Variants in ARHGAP44 observed in about 807,000 individuals in gnomAD.
ARHGAP44 encodes the protein rho GTPase-activating protein 44.
In ARHGAP44, 43 loss-of-function variants were observed where a neutral mutation model predicts 106.8. The observed-to-expected ratio is 0.40, with a 90% CI of 0.32 to 0.52. The LOEUF (loss-of-function observed/expected upper bound fraction) is 0.52, where lower values mean the gene tolerates loss of function less well. ARHGAP44 is among the 20% of genes least tolerant of loss of function. The pLI is 0.48. For synonymous variants in ARHGAP44, 439 were observed against 410.3 expected, an observed-to-expected ratio of 1.07 and a Z score of -0.85; for missense variants, 866 against 1,050.5, an observed-to-expected ratio of 0.82 and a Z score of 2.43.
chr17:12,937,236 T>G (rs1260481439), intron 7 of ARHGAP44, among the ~76,000 whole-genome samples: 1 of 152,230 alleles, frequency 6.6e-6, no homozygotes, highest in Non-Finnish European at 1.5e-5. Flanking sequence ...TAGTTTAGGC[T>G]TGGGTAAAAT....
intron 1 of ARHGAP44, among the ~76,000 whole-genome samples, chr17:12,841,651 C>CAAACAAACAAAA: frequency 6.8e-6 from 1 of 146,394 alleles, no homozygotes; most frequent in African/African-American, 2.6e-5. Context: ...AACAAACAAA[C>CAAACAAACAAAA]AAAAACCACA....
intron 9 of ARHGAP44, among the ~76,000 whole-genome samples, 159 bp from the exon 10 acceptor site, chr17:12,943,910 C>T (rs556431667): frequency 1.3e-5 from 2 of 152,274 alleles, no homozygotes; most frequent in African/African-American, 4.8e-5. Flanking sequence ...CCCCCTCCTC[C>T]AGTCCTCCTG....
At chr17:12,887,374 A>G (rs1294794564) in intron 1 of ARHGAP44, among the ~76,000 whole-genome samples, 3 of 151,974 alleles carry the variant, frequency 2.0e-5, no homozygotes, top group African/African-American at 4.8e-5. Context: ...GACTACAGGC[A>G]TGTACTACCA....
At chr17:12,842,651 T>C (rs1165037038) in intron 1 of ARHGAP44, among the ~76,000 whole-genome samples, 2 of 152,080 alleles carry the variant, frequency 1.3e-5, no homozygotes, top group African/African-American at 4.8e-5. Flanking sequence ...ATGCTGGAGG[T>C]TGGGGACTAT....
intron 1 of ARHGAP44, among the ~76,000 whole-genome samples, chr17:12,875,031 G>C (rs568558911): frequency 6.6e-6 from 1 of 152,052 alleles, no homozygotes. Context: ...AACTCAGAGT[G>C]GGTGAGCTCC....
chr17:12,976,642 C>T (rs1422763806), intron 18 of ARHGAP44, among the ~76,000 whole-genome samples: 1 of 148,172 alleles, frequency 6.7e-6, no homozygotes, highest in Non-Finnish European at 1.5e-5. Flanking sequence ...AGTATTTTCA[C>T]TGTAAAACCA....
At chr17:12,943,549 C>T (rs745768728) in intron 8 of ARHGAP44, 39 bp from the exon 9 acceptor site, 3 of 1,599,322 alleles carry the variant, frequency 1.9e-6, no homozygotes, top group South Asian at 2.2e-5. Flanking sequence ...TGTGTCCTTG[C>T]CCCTCACTAA....
chr17:12,984,670 C>A lies in ARHGAP44; in HGVS notation c.2079C>A (p.Ser693Arg), dbSNP rs1484226801. ...GCACCCCGTCACCCTATGGACTGAGCTACCCTCAGGGGTACTCCTTGGCCT... is the reference window on the plus strand; with the variant it reads ...GCACCCCGTCACCCTATGGACTGAGATACCCTCAGGGGTACTCCTTGGCCT... The part of the protein sequence containing the change: ...PPSTPSPYGL[S>R]YPQGYSLASG... Residue 693 changes from serine (S) to arginine (R), a missense_variant, in exon 20 of 21, where the codon AGC becomes AGA. Around this residue, in one of 2 missense-constraint regions of ARHGAP44, gnomAD observed 418 missense variants for 403.6 expected, o/e 1.04. Coordinates refer to ENST00000379672, the MANE Select transcript of ARHGAP44 (RefSeq NM_014859.6). 6 of 1,613,100 alleles carry A rather than the reference C, an allele frequency of 3.7e-6. No homozygotes were observed. The highest frequency in any genetic ancestry group is 5.1e-6 in the Non-Finnish European group (6 of 1,179,582).
At position 12,863,321 on chromosome 17, in the gene ARHGAP44, A is replaced by G. The variant is rs547700741; in HGVS notation, c.54-31619A>G. On this transcript the variant is annotated intron_variant, in intron 1 of 20. Transcript: ENST00000379672. ...AACTTCTGATTGCTAATCCTATTAT[A>G]TACCACATTTCTAAAATTCCTTGAC... Among the ~76,000 whole-genome samples, 36 of 152,218 alleles carry G rather than the reference A, an allele frequency of 2.4e-4. No individual in the cohort carries two copies. The East Asian group carries it at 3.5e-3, about 15-fold the overall frequency.
chr17:12,819,712 G>A (rs371360113), intron 1 of ARHGAP44, among the ~76,000 whole-genome samples: 123 of 151,872 alleles, frequency 8.1e-4, no homozygotes, highest in African/African-American at 2.9e-3. Context: ...ACATTCAGGT[G>A]TCTCCTTTTG....
chr17:12,986,969 A>G (rs945259386), intron 20 of ARHGAP44: 7 of 794,856 alleles, frequency 8.8e-6, no homozygotes, highest in Non-Finnish European at 1.2e-5. Flanking sequence ...GAGCCAGTGT[A>G]GAATCCATCA....
intron 1 of ARHGAP44, among the ~76,000 whole-genome samples, chr17:12,862,424 A>G (rs1472109964): frequency 6.6e-6 from 1 of 152,208 alleles, no homozygotes; most frequent in African/African-American, 2.4e-5. Flanking sequence ...CAGGCACAAC[A>G]TAAATGAATT....
chr17:12,964,528 C>A (rs905958258), intron 16 of ARHGAP44, among the ~76,000 whole-genome samples: 7 of 152,204 alleles, frequency 4.6e-5, no homozygotes, highest in African/African-American at 1.7e-4. Flanking sequence ...CACCTGTAAT[C>A]CCTGCACTTC....
chr17:12,951,681 A>G (rs914715588), intron 12 of ARHGAP44, among the ~76,000 whole-genome samples: 1 of 152,200 alleles, frequency 6.6e-6, no homozygotes, highest in African/African-American at 2.4e-5. Flanking sequence ...GGGAAAAACA[A>G]GAACCTGTTT....
intron 16 of ARHGAP44, among the ~76,000 whole-genome samples, chr17:12,967,039 C>T (rs745787228): frequency 5.9e-5 from 9 of 151,436 alleles, no homozygotes. Flanking sequence ...CTCCTTTTTT[C>T]TCCCCCTCTT....
intron 4 of ARHGAP44, 40 bp from the exon 5 acceptor site, chr17:12,915,860 T>C: frequency 6.4e-7 from 1 of 1,560,926 alleles, no homozygotes; most frequent in Non-Finnish European, 8.8e-7. Flanking sequence ...AAATGTTGTC[T>C]TCAAGAGTAT....
chr17:12,844,014 C>T (rs1033998298), intron 1 of ARHGAP44, among the ~76,000 whole-genome samples: 5 of 152,114 alleles, frequency 3.3e-5, no homozygotes, highest in African/African-American at 7.2e-5. Context: ...TCTGTCTTCC[C>T]TCAGTGGGTA....
At chr17:12,961,563 C>T (rs532086781) in intron 16 of ARHGAP44, among the ~76,000 whole-genome samples, 7 of 152,066 alleles carry the variant, frequency 4.6e-5, no homozygotes, top group African/African-American at 7.2e-5. Flanking sequence ...GCAGAAACCC[C>T]GTCTCTACTA....
At chr17:12,847,510 C>T (rs2035601795) in intron 1 of ARHGAP44, among the ~76,000 whole-genome samples, 1 of 133,602 alleles carries the variant, frequency 7.5e-6, no homozygotes, top group African/African-American at 3.3e-5. Context: ...GCTACCATCA[C>T]TCTTTTTTTT....
Sources: gnomAD v4.1 joint callset for allele counts (sites outside exome capture counted in the v4.1 genomes callset) on GRCh38, gnomAD v4.1.1 for gene constraint, gnomAD v4.1.1 regional missense constraint, MANE v1.5 for transcripts, NCBI Gene and HGNC (gene_info 2026-07-23, HGNC 2026-07-21) for gene names.